Variants in NLGN1 observed in about 807,000 individuals in gnomAD.
NLGN1 encodes neuroligin 1.
A neutral mutation model predicts 65.5 loss-of-function variants in NLGN1; 12 were observed. The ratio of observed to expected loss-of-function variants is 0.18; its 90% CI spans 0.12 to 0.30. NLGN1 has a LOEUF of 0.30. Ranked by LOEUF, NLGN1 falls within the 10% of genes least tolerant of loss-of-function variation. NLGN1 has a pLI of 1.00. For missense variants in NLGN1, 750 were observed against 1,007.1 expected (o/e 0.74, Z 3.46); for synonymous variants, 350 against 359.5 (o/e 0.97, Z 0.30).
At chr3:173,786,471 A>C (rs980522525) in intron 3 of NLGN1, among the ~76,000 whole-genome samples, 5 of 152,212 alleles carry the variant, frequency 3.3e-5, no homozygotes, top group Admixed American at 1.3e-4. Flanking sequence ...AATAGTATTG[A>C]AAATCATTCT....
At chr3:173,406,847 CTG>C (rs1382097459) in intron 1 of NLGN1, among the ~76,000 whole-genome samples, 1 of 152,054 alleles carries the variant, frequency 6.6e-6, no homozygotes, top group Non-Finnish European at 1.5e-5. Flanking sequence ...AGAGAAAACA[CTG>C]TGTTGCTTCT....
chr3:174,159,852 G>A (rs1052251037), intron 4 of NLGN1, among the ~76,000 whole-genome samples: 16 of 151,436 alleles, frequency 1.1e-4, no homozygotes, highest in Admixed American at 7.3e-4. Context: ...CTTAACCTTC[G>A]CTAGGCATTT....
chr3:173,485,596 A>G (rs908353572), intron 2 of NLGN1, among the ~76,000 whole-genome samples: 1 of 152,142 alleles, frequency 6.6e-6, no homozygotes, highest in Non-Finnish European at 1.5e-5. Context: ...TAATATTTTC[A>G]GTTCATCTTT....
intron 4 of NLGN1, among the ~76,000 whole-genome samples, chr3:174,239,825 G>T (rs1742457230): frequency 6.6e-6 from 1 of 152,120 alleles, no homozygotes; most frequent in South Asian, 2.1e-4. Context: ...TTGACCAACT[G>T]CAGGGATGGA....
intron 4 of NLGN1, among the ~76,000 whole-genome samples, chr3:173,976,632 G>T (rs1173785480): frequency 1.3e-5 from 2 of 151,944 alleles, no homozygotes; most frequent in Non-Finnish European, 2.9e-5. Context: ...CTTACCATGA[G>T]CTTGTTTCTC....
chr3:173,838,280 C>G (rs1239909768), intron 4 of NLGN1, among the ~76,000 whole-genome samples: 2 of 151,066 alleles, frequency 1.3e-5, no homozygotes, highest in African/African-American at 4.9e-5. Flanking sequence ...TTTTTAACAT[C>G]AAGTTTGGCC....
chr3:173,637,523 G>A (rs534542713), intron 3 of NLGN1, among the ~76,000 whole-genome samples: 2 of 152,122 alleles, frequency 1.3e-5, no homozygotes, highest in East Asian at 1.9e-4. Flanking sequence ...TTTTAATAAA[G>A]TAGTCAAATG....
chr3:174,215,566 CTT>C (rs1330230832), intron 4 of NLGN1, among the ~76,000 whole-genome samples: 1 of 152,090 alleles, frequency 6.6e-6, no homozygotes, highest in Non-Finnish European at 1.5e-5. Context: ...ACTGAGAAAA[CTT>C]TGTTTCAGGC....
intron 4 of NLGN1, among the ~76,000 whole-genome samples, chr3:174,090,244 G>A (rs909493573): frequency 6.6e-6 from 1 of 152,144 alleles, no homozygotes; most frequent in African/African-American, 2.4e-5. Flanking sequence ...GCTGAGGCGG[G>A]CAGATCACTT....
chr3:173,570,610 A>T (rs1744495143), intron 2 of NLGN1, among the ~76,000 whole-genome samples: 1 of 152,084 alleles, frequency 6.6e-6, no homozygotes, highest in Non-Finnish European at 1.5e-5. Context: ...GCTGGTGGGG[A>T]TGGGAACTTG....
intron 4 of NLGN1, among the ~76,000 whole-genome samples, chr3:174,025,101 T>G (rs1460126480): frequency 6.6e-6 from 1 of 152,208 alleles, no homozygotes; most frequent in Non-Finnish European, 1.5e-5. Context: ...TTAACAATAT[T>G]TATTTCAGTT....
chr3:173,741,538 G>A (rs1275534593), intron 3 of NLGN1, among the ~76,000 whole-genome samples: 2 of 152,008 alleles, frequency 1.3e-5, no homozygotes, highest in African/African-American at 4.8e-5. Flanking sequence ...TGTCACTCAG[G>A]TTGGAGTGCA....
intron 4 of NLGN1, among the ~76,000 whole-genome samples, chr3:174,085,134 A>G (rs1368356003): frequency 6.6e-6 from 1 of 151,962 alleles, no homozygotes; most frequent in Admixed American, 6.6e-5. Context: ...TTAGGGATGG[A>G]TAGATAATGT....
chr3:173,636,076 T>G (rs1577661825), intron 3 of NLGN1, among the ~76,000 whole-genome samples: 1 of 152,306 alleles, frequency 6.6e-6, no homozygotes, highest in East Asian at 1.9e-4. Context: ...GTAAATTGCC[T>G]ATCGTTTTTA....
At chr3:173,453,382 G>GT (rs1302131557) in intron 2 of NLGN1, among the ~76,000 whole-genome samples, 1,686 of 143,450 alleles carry the variant, frequency 0.012, 16 homozygotes, top group African/African-American at 0.03. Context: ...GGGATTGGTA[G>GT]TTTTTTTTTT....
intron 2 of NLGN1, among the ~76,000 whole-genome samples, chr3:173,491,377 G>T (rs1349940749): frequency 6.6e-6 from 1 of 151,746 alleles, no homozygotes; most frequent in Admixed American, 6.6e-5. Flanking sequence ...CATTGGTTCT[G>T]TTTATACGCT....
intron 4 of NLGN1, among the ~76,000 whole-genome samples, chr3:173,981,135 G>A (rs1032195292): frequency 1.3e-4 from 20 of 152,006 alleles, no homozygotes; most frequent in African/African-American, 4.8e-4. Flanking sequence ...TTGTCCTCCT[G>A]GTGACATAAT....
At chr3:173,517,223 C>T (rs1733952672) in intron 2 of NLGN1, among the ~76,000 whole-genome samples, 1 of 152,008 alleles carries the variant, frequency 6.6e-6, no homozygotes, top group South Asian at 2.1e-4. Context: ...ATGAGTTTCT[C>T]ATGGCCCTTA....
intron 4 of NLGN1, among the ~76,000 whole-genome samples, chr3:173,820,178 C>CT (rs1719962867): frequency 4.4e-5 from 1 of 22,874 alleles, no homozygotes; most frequent in Admixed American, 4.6e-4. Context: ...GATTCAGTCT[C>CT]GAAAAAAAAA....
Sources: gnomAD v4.1 joint callset for allele counts (sites outside exome capture counted in the v4.1 genomes callset) on GRCh38, gnomAD v4.1.1 for gene constraint, MANE v1.5 for transcripts, NCBI Gene and HGNC (gene_info 2026-07-23, HGNC 2026-07-21) for gene names.